The following KLHDC4 variants were observed in gnomAD, a reference collection of about 807,000 sequenced individuals.
KLHDC4 encodes the protein kelch domain-containing protein 4.
A neutral mutation model predicts 62.4 loss-of-function variants in KLHDC4; 90 were observed. That is an observed-to-expected ratio of 1.44 (90% CI 1.22 to 1.72). The LOEUF (loss-of-function observed/expected upper bound fraction) is 1.72, where lower values mean the gene tolerates loss of function less well. Ranked by LOEUF, KLHDC4 falls within the 40% of genes most tolerant of loss-of-function variation. KLHDC4 has a pLI of 0.00. For missense variants in KLHDC4, 1,025 were observed against 699.7 expected (o/e 1.47, Z -5.25); for synonymous variants, 386 against 284.4 (o/e 1.36, Z -3.59).
At chr16:87,754,697 C>T (rs1040621398) in intron 4 of KLHDC4, among the ~76,000 whole-genome samples, 4 of 152,192 alleles carry the variant, frequency 2.6e-5, no homozygotes, top group African/African-American at 4.8e-5. Context: ...CGTCTAACTC[C>T]GGAAGCCCCT....
exon 1 of KLHDC4, chr16:87,701,994 T>C (rs779696733): frequency 2.2e-6 from 1 of 455,906 alleles, no homozygotes; most frequent in South Asian, 1.5e-5. Flanking sequence ...GCAACAAAGC[T>C]CAGCCCAGCA....
intron 1 of KLHDC4, among the ~76,000 whole-genome samples, chr16:87,763,071 T>G (rs1295245852): frequency 6.6e-6 from 1 of 152,194 alleles, no homozygotes; most frequent in Non-Finnish European, 1.5e-5. Context: ...GTACACTGCT[T>G]AGTATTCTAA....
In KLHDC4 at chr16:87,755,294, T is replaced by C; in HGVS notation, c.271-2A>G. On this transcript the variant is annotated splice_acceptor_variant, in intron 3 of 11. Transcript: ENST00000270583. LOFTEE classifies it high-confidence loss of function. ...ATAGAGCTCGTTATACAAAAAAGTCTACAGGAAGGAAGAAGAATGTCAGTG... is the reference window on the plus strand; with the variant it reads ...ATAGAGCTCGTTATACAAAAAAGTCCACAGGAAGGAAGAAGAATGTCAGTG... 1.9e-6 allele frequency: 3 copies of C among 1,542,676 alleles called. No homozygotes were observed. In the South Asian group the frequency reaches 3.4e-5, roughly 17 times the overall value.
intron 10 of KLHDC4, 144 bp from the exon 11 acceptor site, chr16:87,708,610 C>T: frequency 2.1e-6 from 1 of 469,388 alleles, no homozygotes. Flanking sequence ...TCCCCGACCC[C>T]CTTCAGATCC....
In KLHDC4 at chr16:87,738,618, T is replaced by C. The variant is rs552071077; in HGVS notation, c.507-7974A>G. ...CCTCATCCATCCACACAGCACCTCA[T>C]CCATCCACACACCAGCATCTCATCC... On this transcript the variant is annotated intron_variant, in intron 5 of 11. Coordinates refer to ENST00000270583, the MANE Select transcript of KLHDC4 (RefSeq NM_017566.4). Among the ~76,000 whole-genome samples, 8 of 129,574 alleles carry C rather than the reference T, an allele frequency of 6.2e-5. No homozygotes were observed. The South Asian group carries it at 2.4e-3, about 39-fold the overall frequency. 85.0% of individuals were successfully genotyped at this position (129,574 alleles called of 152,430 possible). A position where few individuals can be genotyped will look rare whatever the true frequency, so the allele number is the denominator to read the frequency against.
At chr16:87,700,761 AGGAGATTGGAGGGC>A (rs2034106102) in exon 1 of KLHDC4, 1 of 108,928 alleles carries the variant, frequency 9.2e-6, no homozygotes, top group South Asian at 9.4e-5. Flanking sequence ...GGGCAGAGGG[AGGAGATTGGAGGGC>A]GGAGGGAGGA....
rs1567819641 is a variant in KLHDC4, at chr16:87,755,274, GC to G, written c.288del (p.Glu96AspfsTer31). Reference sequence around the variant, plus strand: ...TCCTTTCTGGTATTGTAGACATAGAGCTCGTTATACAAAAAAGTCTACAGGA... The same window carrying G: ...TCCTTTCTGGTATTGTAGACATAGAGTCGTTATACAAAAAAGTCTACAGGA... ...FNGQKTFLYN[E>X]LYVYNTRKDT... On this transcript the variant is annotated frameshift_variant, in exon 4 of 12. Coordinates refer to ENST00000270583, the MANE Select transcript of KLHDC4 (RefSeq NM_017566.4). LOFTEE classifies it high-confidence loss of function. The G allele has an allele frequency of 1.2e-6, 2 of 1,601,262 alleles. No homozygotes were observed. Among genetic ancestry groups the G allele is most frequent in the Non-Finnish European group, 1.7e-6 (2 of 1,168,714 alleles).
rs199837022 is a variant in KLHDC4 at position 87,700,656 on chromosome 16, GGAGGGCA to G, written c.*976_*982del. 3.3e-3 allele frequency: 793 copies of G among 241,382 alleles called. 4 individuals carry two copies. Among genetic ancestry groups the G allele is most frequent in the Non-Finnish European group, 4.3e-3 (545 of 125,624 alleles). The allele number at this position is 241,382 out of a possible 1,614,324, so 15.0% of individuals were successfully genotyped here. A position where few individuals can be genotyped will look rare whatever the true frequency, so the allele number is the denominator to read the frequency against. On this transcript the variant is annotated 3_prime_UTR_variant, in exon 1 of 1. Transcript: ENST00000446344. ...GGGAGAACGCTGGAGGGCAGAGGGA[GGAGGGCA>G]GAGGGCGGAGGGAGGAGGTTGGAGG...
chr16:87,719,198 G>C (rs1026549230), intron 7 of KLHDC4, among the ~76,000 whole-genome samples: 3 of 152,386 alleles, frequency 2.0e-5, no homozygotes, highest in Admixed American at 1.3e-4. Flanking sequence ...AATGGGCCAT[G>C]ATGATGATGG....
intron 1 of KLHDC4, among the ~76,000 whole-genome samples, chr16:87,765,496 A>G (rs905681611): frequency 6.6e-6 from 1 of 151,464 alleles, no homozygotes; most frequent in Admixed American, 6.6e-5. Flanking sequence ...GGGTGGAGGG[A>G]GAAGGGAGGA....
intron 1 of KLHDC4, chr16:87,765,217 G>A (rs1378794959): frequency 6.6e-6 from 3 of 456,062 alleles, no homozygotes; most frequent in Non-Finnish European, 1.3e-5. Context: ...CTGAGGACCA[G>A]AGGGAAGGAG....
At chr16:87,708,951 C>T (rs1018682693) in intron 10 of KLHDC4, among the ~76,000 whole-genome samples, 5 of 152,250 alleles carry the variant, frequency 3.3e-5, no homozygotes, top group African/African-American at 7.2e-5. Flanking sequence ...CCCAGGGCCT[C>T]GGGGCCCGGC....
chr16:87,751,911 A>G (rs1184995549), intron 4 of KLHDC4, among the ~76,000 whole-genome samples: 4 of 151,278 alleles, frequency 2.6e-5, no homozygotes, highest in African/African-American at 9.7e-5. Context: ...ATTTCTACTA[A>G]AAATACTAAA....
At chr16:87,765,004 C>G (rs1256300723) in intron 1 of KLHDC4, 2 of 408,216 alleles carry the variant, frequency 4.9e-6, no homozygotes, top group Admixed American at 2.7e-5. Context: ...AGTTCCATAC[C>G]ACTTCATGGT....
At chr16:87,732,678 G>C (rs955189328) in intron 5 of KLHDC4, among the ~76,000 whole-genome samples, 4 of 152,244 alleles carry the variant, frequency 2.6e-5, no homozygotes, top group Non-Finnish European at 5.9e-5. Flanking sequence ...TTAAGAATTA[G>C]ATTCTTTAAA....
At chr16:87,726,716 C>T in intron 7 of KLHDC4, 49 bp downstream of exon 7, 1 of 1,421,936 alleles carries the variant, frequency 7.0e-7, no homozygotes, top group Non-Finnish European at 9.2e-7. Flanking sequence ...CCGCGCCTCG[C>T]CTGTTTCCCG....
intron 7 of KLHDC4, 59 bp from the exon 8 acceptor site, chr16:87,714,632 C>A: frequency 1.3e-6 from 2 of 1,575,626 alleles, no homozygotes; most frequent in South Asian, 1.1e-5. Flanking sequence ...GCTTACAGAC[C>A]CCCCAACCCT....
At chr16:87,752,588 G>T (rs1236015152) in intron 4 of KLHDC4, among the ~76,000 whole-genome samples, 1 of 151,966 alleles carries the variant, frequency 6.6e-6, no homozygotes, top group East Asian at 1.9e-4. Flanking sequence ...GCCCATCCCG[G>T]CCTCCCAAAG....
intron 7 of KLHDC4, among the ~76,000 whole-genome samples, chr16:87,719,501 A>G (rs765562891): frequency 2.6e-5 from 4 of 152,140 alleles, no homozygotes; most frequent in Non-Finnish European, 4.4e-5. Flanking sequence ...CCACTCCCTA[A>G]TCTCAACTAC....
Sources: allele counts gnomAD v4.1 joint callset (sites outside exome capture counted in the v4.1 genomes callset), GRCh38; gene constraint gnomAD v4.1.1; transcripts MANE v1.5; gene names NCBI Gene and HGNC (gene_info 2026-07-23, HGNC 2026-07-21).